The following SHTN1 variants were observed in gnomAD, a reference collection of about 807,000 sequenced individuals.
SHTN1 encodes shootin-1.
Under a neutral mutation model 83.1 loss-of-function variants are expected in SHTN1, and 42 were observed. The ratio of observed to expected loss-of-function variants is 0.51; its 90% CI spans 0.39 to 0.65. SHTN1 has a LOEUF of 0.65. Among genes scored for constraint, SHTN1 ranks in the 30% least tolerant of loss-of-function variants. The pLI, the probability that SHTN1 is intolerant of heterozygous loss-of-function variation, is 0.00. For missense variants in SHTN1, 622 were observed against 737.8 expected (o/e 0.84, Z 1.82); for synonymous variants, 224 against 247.7 (o/e 0.90, Z 0.90).
At chr10:117,097,508 C>T (rs1853521443) in intron 1 of SHTN1, among the ~76,000 whole-genome samples, 1 of 152,206 alleles carries the variant, frequency 6.6e-6, no homozygotes, top group African/African-American at 2.4e-5. Flanking sequence ...CCTTGGGTGG[C>T]AAATTATGCT....
chr10:117,065,727 TGAAAGAAAGAAA>T lies in SHTN1; in HGVS notation c.-188-17229_-188-17218del, dbSNP rs869310024. Among the ~76,000 whole-genome samples, 111 of 11,890 alleles carry T rather than the reference TGAAAGAAAGAAA, an allele frequency of 9.3e-3. 4 individuals are homozygous for T. Among genetic ancestry groups the T allele is most frequent in the Admixed American group, 0.011 (11 of 1,000 alleles). The allele number at this position is 11,890 out of a possible 152,430, so 7.8% of individuals were successfully genotyped here. ...AGCGAGAGAGAGAGAGAGAGAGAGA[TGAAAGAAAGAAA>T]GAAAGAAAGAAAGAAAGAAAGAAAG... On this transcript the variant is annotated intron_variant, in intron 1 of 17. Coordinates refer to the SHTN1 transcript ENST00000392901.
upstream of SHTN1, among the ~76,000 whole-genome samples, chr10:117,007,781 G>C (rs1852045162): frequency 6.6e-6 from 1 of 151,818 alleles, no homozygotes; most frequent in Non-Finnish European, 1.5e-5. Flanking sequence ...GGGAGGCCGA[G>C]GCGGGCAGAT....
intron 14 of SHTN1, chr10:116,911,364 C>T (rs2133346563): frequency 8.4e-7 from 1 of 1,186,020 alleles, no homozygotes; most frequent in Non-Finnish European, 1.1e-6. Flanking sequence ...CAGACTGTGA[C>T]CCTGATATGA....
chr10:116,927,662 C>A (rs771429199), intron 11 of SHTN1, 130 bp downstream of exon 11: 128 of 1,272,984 alleles, frequency 1.0e-4, no homozygotes, highest in Non-Finnish European at 1.3e-4. Context: ...AACCATATCA[C>A]TGGCCTTTAG....
chr10:116,952,188 T>C (rs925583469), intron 5 of SHTN1, among the ~76,000 whole-genome samples, 182 bp from the exon 6 acceptor site: 4 of 152,130 alleles, frequency 2.6e-5, no homozygotes, highest in Non-Finnish European at 5.9e-5. Context: ...CTCCCCAAAA[T>C]AGCCATGGAT....
intron 8 of SHTN1, among the ~76,000 whole-genome samples, chr10:116,943,930 C>T (rs1849477214): frequency 6.6e-6 from 1 of 152,074 alleles, no homozygotes; most frequent in African/African-American, 2.4e-5. Context: ...CCTGGATGAG[C>T]CCCAGGGCCA....
At chr10:117,081,093 G>T (rs111868895) in intron 1 of SHTN1, among the ~76,000 whole-genome samples, 2 of 150,990 alleles carry the variant, frequency 1.3e-5, no homozygotes, top group Non-Finnish European at 3.0e-5. Flanking sequence ...TGGTGAGAGA[G>T]GGCATCCCTG....
chr10:116,977,417 T>A (rs1049031332), intron 2 of SHTN1, among the ~76,000 whole-genome samples: 4 of 152,176 alleles, frequency 2.6e-5, no homozygotes, highest in Non-Finnish European at 4.4e-5. Flanking sequence ...GGGACTGATA[T>A]CATCTCAGTC....
At chr10:116,916,557 T>C (rs1236895075) in intron 12 of SHTN1, among the ~76,000 whole-genome samples, 1 of 152,230 alleles carries the variant, frequency 6.6e-6, no homozygotes, top group Non-Finnish European at 1.5e-5. Flanking sequence ...TAGAAATGAC[T>C]AAACCCCAAA....
chr10:116,970,913 T>C (rs1360166905), intron 2 of SHTN1, among the ~76,000 whole-genome samples: 1 of 152,094 alleles, frequency 6.6e-6, no homozygotes, highest in Admixed American at 6.6e-5. Context: ...GGGAGGGGAA[T>C]GGGACTAGAA....
intron 4 of SHTN1, among the ~76,000 whole-genome samples, chr10:116,958,367 T>A (rs1310503279): frequency 3.9e-5 from 6 of 152,144 alleles, no homozygotes; most frequent in Non-Finnish European, 8.8e-5. Context: ...CCCCATGAGT[T>A]CATACTATAT....
intron 3 of SHTN1, among the ~76,000 whole-genome samples, chr10:116,961,238 G>T (rs894072871): frequency 6.6e-6 from 1 of 151,940 alleles, no homozygotes; most frequent in African/African-American, 2.4e-5. Flanking sequence ...TAATTAACCT[G>T]CAATTATGAT....
chr10:117,036,717 C>T (rs556560622), intron 2 of SHTN1, among the ~76,000 whole-genome samples: 1 of 152,178 alleles, frequency 6.6e-6, no homozygotes, highest in East Asian at 1.9e-4. Context: ...TATTTGATAG[C>T]ACAACAGGGC....
At chr10:116,975,801 A>G (rs1201657226) in intron 2 of SHTN1, among the ~76,000 whole-genome samples, 4 of 152,230 alleles carry the variant, frequency 2.6e-5, no homozygotes, top group Non-Finnish European at 5.9e-5. Flanking sequence ...CTATATGTAT[A>G]TATACAAGTA....
At chr10:117,051,720 T>TA (rs200405533) in intron 1 of SHTN1, among the ~76,000 whole-genome samples, 170 of 142,700 alleles carry the variant, frequency 1.2e-3, no homozygotes, top group Admixed American at 2.2e-3. Flanking sequence ...CCTTTCATGA[T>TA]AAAAAAAAAA....
chr10:117,073,356 T>C (rs77363733), intron 1 of SHTN1, among the ~76,000 whole-genome samples: 5,021 of 152,324 alleles, frequency 0.033, 292 homozygotes, highest in African/African-American at 0.11. Flanking sequence ...GTACTACTTA[T>C]GTGCATTATT....
At chr10:117,042,718 C>T (rs951069396) in intron 2 of SHTN1, among the ~76,000 whole-genome samples, 2 of 152,026 alleles carry the variant, frequency 1.3e-5, no homozygotes, top group African/African-American at 4.8e-5. Context: ...CAGGTTCAAG[C>T]GATTCTCCTG....
At chr10:117,104,044 T>C (rs983108187) in intron 1 of SHTN1, among the ~76,000 whole-genome samples, 1 of 152,216 alleles carries the variant, frequency 6.6e-6, no homozygotes, top group African/African-American at 2.4e-5. Flanking sequence ...CTCCATTTTA[T>C]AGATGGGGAA....
At chr10:117,037,798 G>C (rs182764832) in intron 2 of SHTN1, among the ~76,000 whole-genome samples, 70 of 152,170 alleles carry the variant, frequency 4.6e-4, no homozygotes, top group Non-Finnish European at 8.1e-4. Context: ...ACAAGATCAG[G>C]AGTTCGAGAC....
Sources: allele counts gnomAD v4.1 joint callset (sites outside exome capture counted in the v4.1 genomes callset), GRCh38; gene constraint gnomAD v4.1.1; transcripts MANE v1.5; gene names NCBI Gene and HGNC (gene_info 2026-07-23, HGNC 2026-07-21).